Variants in MTHFD1L observed in about 807,000 individuals in gnomAD.
MTHFD1L encodes methylenetetrahydrofolate dehydrogenase (NADP+ dependent) 1 like.
In MTHFD1L, 81 loss-of-function variants were observed where a neutral mutation model predicts 119.5. The observed-to-expected ratio is 0.68, with a 90% CI of 0.57 to 0.82. The LOEUF is 0.82. Ranked by LOEUF, MTHFD1L falls within the 40% of genes least tolerant of loss-of-function variation. The pLI is 0.00. For missense variants in MTHFD1L, 1,125 were observed against 1,253.4 expected (o/e 0.90, Z 1.55); for synonymous variants, 430 against 475.2 (o/e 0.90, Z 1.24).
chr6:150,964,552 T>C (rs962258326), intron 18 of MTHFD1L, among the ~76,000 whole-genome samples: 1 of 152,190 alleles, frequency 6.6e-6, no homozygotes, highest in Middle Eastern at 3.2e-3. Flanking sequence ...TTACCCTACT[T>C]CATTCCTGCT....
At chr6:150,933,808 G>A (rs1335817185) in intron 11 of MTHFD1L, among the ~76,000 whole-genome samples, 2 of 152,042 alleles carry the variant, frequency 1.3e-5, no homozygotes, top group African/African-American at 2.4e-5. Context: ...TTAGAGACAG[G>A]GTCTCACTAT....
At chr6:150,963,381 C>T (rs765962643) in intron 18 of MTHFD1L, among the ~76,000 whole-genome samples, 3 of 152,148 alleles carry the variant, frequency 2.0e-5, no homozygotes, top group Admixed American at 1.3e-4. Context: ...AGTATTCTCA[C>T]CACCAAAATG....
At chr6:151,080,839 C>T (rs1793074761) in intron 26 of MTHFD1L, among the ~76,000 whole-genome samples, 1 of 152,156 alleles carries the variant, frequency 6.6e-6, no homozygotes, top group Admixed American at 6.5e-5. Flanking sequence ...GTGACCTCTT[C>T]CTCTTCTTTT....
chr6:150,966,113 G>A lies in MTHFD1L; in HGVS notation c.2013+1076G>A, dbSNP rs144890862. On this transcript the variant is annotated intron_variant, in intron 19 of 27. Coordinates refer to ENST00000367321, the MANE Select transcript of MTHFD1L (RefSeq NM_015440.5). Reference sequence around the variant, plus strand: ...TTTTGCAATTTCAGACAGCAAGAGCGAGGATCTGGTTAGGAACCTGTATTA... The same window carrying A: ...TTTTGCAATTTCAGACAGCAAGAGCAAGGATCTGGTTAGGAACCTGTATTA... Among the ~76,000 whole-genome samples, 4 of 152,316 alleles carry A rather than the reference G, an allele frequency of 2.6e-5. No homozygotes were observed. The East Asian group carries it at 5.8e-4, about 22-fold the overall frequency.
chr6:151,067,906 G>C (rs1461746801), intron 26 of MTHFD1L, among the ~76,000 whole-genome samples: 2 of 152,216 alleles, frequency 1.3e-5, no homozygotes, highest in Non-Finnish European at 2.9e-5. Flanking sequence ...AATGAACTCT[G>C]ATGTGTCTCA....
intron 26 of MTHFD1L, among the ~76,000 whole-genome samples, chr6:151,081,420 C>T (rs1793148790): frequency 6.7e-6 from 1 of 148,186 alleles, no homozygotes; most frequent in African/African-American, 2.5e-5. Context: ...TGGGAGGCTG[C>T]GGTGCGCAGA....
chr6:150,965,292 A>T (rs1002483048), intron 19 of MTHFD1L, among the ~76,000 whole-genome samples: 6 of 151,438 alleles, frequency 4.0e-5, no homozygotes, highest in African/African-American at 1.5e-4. Context: ...AAAAAAAAAA[A>T]TTTTTAAGTG....
intron 18 of MTHFD1L, among the ~76,000 whole-genome samples, chr6:150,963,341 A>G (rs760261575): frequency 2.4e-5 from 2 of 84,652 alleles, no homozygotes; most frequent in Non-Finnish European, 4.5e-5. Context: ...GTAATAGTGT[A>G]TTCCTGAAAA....
intron 26 of MTHFD1L, among the ~76,000 whole-genome samples, chr6:151,083,140 A>G (rs2128635520): frequency 6.6e-6 from 1 of 152,332 alleles, no homozygotes; most frequent in East Asian, 1.9e-4. Flanking sequence ...ACAGTGAAAT[A>G]AGGAAAGGCA....
chr6:150,949,649 C>G (rs141492036), intron 16 of MTHFD1L, among the ~76,000 whole-genome samples: 1 of 152,146 alleles, frequency 6.6e-6, no homozygotes, highest in Non-Finnish European at 1.5e-5. Context: ...CACATGCATC[C>G]AGGTGGAGTC....
intron 7 of MTHFD1L, among the ~76,000 whole-genome samples, chr6:150,889,534 C>T (rs993495445): frequency 1.3e-5 from 2 of 152,148 alleles, no homozygotes; most frequent in East Asian, 1.9e-4. Context: ...TTACAACAAA[C>T]ATTTAGCCAA....
chr6:150,874,133 C>A (rs1780005050), intron 1 of MTHFD1L, among the ~76,000 whole-genome samples: 1 of 152,080 alleles, frequency 6.6e-6, no homozygotes, highest in Non-Finnish European at 1.5e-5. Context: ...GGGCCTCAGT[C>A]ACCCATTATT....
Position 151,022,032 on chromosome 6 carries a change from T to G in MTHFD1L, c.2586+6339T>G, listed in dbSNP as rs141338926. 3.9e-4 allele frequency: 183 copies of G among 471,198 alleles called. 2 individuals carry two copies. The highest frequency in any genetic ancestry group is 4.6e-4 in the South Asian group (30 of 64,570). The allele number at this position is 471,198 out of a possible 1,614,324, so 29.2% of individuals were successfully genotyped here. ...CTTTCCTGTTCCTTGCGTGAAGCCA[T>G]TCTCTTGATCCCAGTGGGGGCTGGA... is the stretch of plus-strand genomic sequence containing the variant. On this transcript the variant is annotated intron_variant, in intron 24 of 27. Transcript: ENST00000367321.
intron 11 of MTHFD1L, among the ~76,000 whole-genome samples, chr6:150,927,660 T>G (rs1485913507): frequency 6.6e-6 from 1 of 152,120 alleles, no homozygotes. Context: ...TTTCACCATG[T>G]TGGCCAGGCT....
Position 151,034,341 on chromosome 6 carries a change from A to G in MTHFD1L, c.2587-152A>G, listed in dbSNP as rs116182750. On this transcript the variant is annotated intron_variant, in intron 24 of 27. Coordinates refer to ENST00000367321, the MANE Select transcript of MTHFD1L (RefSeq NM_015440.5). Reference sequence around the variant, plus strand: ...TTCAGTGCTTTAGGGTGCTAAAAGGAAAAAAGAGGGTTTGCTAGGAATCCT... The same window carrying G: ...TTCAGTGCTTTAGGGTGCTAAAAGGGAAAAAGAGGGTTTGCTAGGAATCCT... 4.1e-3 allele frequency: 2,598 copies of G among 627,140 alleles called. 39 individuals carry two copies. Among genetic ancestry groups the G allele is most frequent in the African/African-American group, 0.04 (2,150 of 54,164 alleles). The allele number at this position is 627,140 out of a possible 1,614,324, so 38.8% of individuals were successfully genotyped here.
chr6:150,918,511 C>A (rs1788374778), intron 8 of MTHFD1L, 66 bp from the exon 9 acceptor site: 1 of 1,122,778 alleles, frequency 8.9e-7, no homozygotes, highest in Non-Finnish European at 1.4e-6. Context: ...TAGCTGTTTA[C>A]AAGGAGCAAT....
Position 150,882,777 on chromosome 6 carries a change from T to G in MTHFD1L, c.433T>G (p.Leu145Val), listed in dbSNP as rs1781581624. The G allele has an allele frequency of 6.6e-7, 1 of 1,519,750 alleles. No individual in the cohort carries two copies. 94.1% of individuals were successfully genotyped at this position (1,519,750 alleles called of 1,614,324 possible). ...TTCTCTTTAGATTATAGATGAAATC[T>G]TAAAGATCAATGAAGATACCAGAGT... ...SSEAEIIDEILKINEDTRVHG... is the reference protein window; with the variant it reads ...SSEAEIIDEIVKINEDTRVHG... The change falls in exon 5 of 28, where the codon TTA (leucine) becomes GTA (valine). Residue 145 changes from leucine to valine, a missense_variant. By Grantham distance (32) the Leu-to-Val change is conservative. Around this residue, in one of 3 missense-constraint regions of MTHFD1L, gnomAD observed 1,058 missense variants for 1,151.2 expected, o/e 0.92. Transcript: ENST00000367321.
chr6:150,905,650 C>G lies in MTHFD1L; in HGVS notation c.781C>G (p.Leu261Val), dbSNP rs1785780370. Residue 261 changes from leucine to valine, a missense_variant and splice_region_variant, in exon 8 of 28, where the codon CTT (leucine) becomes GTT (valine). Leu to Val is a conservative substitution (Grantham distance 32, BLOSUM62 1). Transcript: ENST00000367321. The stretch of plus-strand genomic sequence containing the variant: ...CGTGTTTTTTTCTTTCTCCTTTTAG[C>G]TTCACGAGGCTGACATTGTGGTCCT... ...QWKTRQLQSK[L>V]HEADIVVLGS... The G allele has an allele frequency of 6.2e-7, 1 of 1,612,928 alleles. No individual in the cohort carries two copies. The highest frequency in any genetic ancestry group is 1.7e-5 in the Admixed American group (1 of 59,966).
intron 6 of MTHFD1L, among the ~76,000 whole-genome samples, chr6:150,887,015 G>GA (rs1451004126): frequency 6.9e-6 from 1 of 145,244 alleles, no homozygotes; most frequent in Non-Finnish European, 1.5e-5. Flanking sequence ...AAAAAGAAAA[G>GA]AAAAAATTCA....
Sources: allele counts gnomAD v4.1 joint callset (sites outside exome capture counted in the v4.1 genomes callset), GRCh38; gene constraint gnomAD v4.1.1; regional missense constraint gnomAD v4.1.1; transcripts MANE v1.5; gene names NCBI Gene and HGNC (gene_info 2026-07-23, HGNC 2026-07-21).